Variants in RIMKLB observed in about 807,000 individuals in gnomAD.
RIMKLB encodes the protein beta-citrylglutamate synthase B.
In RIMKLB, 7 loss-of-function variants were observed where a neutral mutation model predicts 32.0. That is an observed-to-expected ratio of 0.22 (90% confidence interval 0.12 to 0.41). The LOEUF (loss-of-function observed/expected upper bound fraction) is 0.41. Among genes scored for constraint, RIMKLB ranks in the 10% least tolerant of loss-of-function variants. The pLI, the probability that RIMKLB is intolerant of heterozygous loss-of-function variation, is 1.00. For synonymous variants in RIMKLB, 172 were observed against 185.1 expected, an observed-to-expected ratio of 0.93 and a Z score of 0.57; for missense variants, 289 against 498.7, an observed-to-expected ratio of 0.58 and a Z score of 4.00.
chr12:8,698,987 A>G (rs1306191193), intron 1 of RIMKLB, among the ~76,000 whole-genome samples: 1 of 152,030 alleles, frequency 6.6e-6, no homozygotes, highest in Admixed American at 6.5e-5. Flanking sequence ...CAGAGTGGTA[A>G]TAATTTCAAT....
chr12:8,680,521 C>A (rs779125142), upstream of RIMKLB, among the ~76,000 whole-genome samples: 1 of 152,208 alleles, frequency 6.6e-6, no homozygotes, highest in Admixed American at 6.5e-5. Flanking sequence ...CAGTCACCCT[C>A]GGGGCTGCTC....
chr12:8,720,741 T>TGTTG (rs1374122080), intron 2 of RIMKLB, among the ~76,000 whole-genome samples: 1 of 152,214 alleles, frequency 6.6e-6, no homozygotes, highest in Non-Finnish European at 1.5e-5. Flanking sequence ...GGTTTCACCT[T>TGTTG]GTTGGCCAGG....
intron 2 of RIMKLB, among the ~76,000 whole-genome samples, chr12:8,723,720 C>A (rs964020410): frequency 1.3e-5 from 2 of 150,914 alleles, no homozygotes; most frequent in Admixed American, 6.6e-5. Flanking sequence ...TTTTGTCTTT[C>A]TCTACTCCTT....
upstream of RIMKLB, chr12:8,679,172 T>C (rs1942362212): frequency 2.0e-5 from 3 of 152,232 alleles, no homozygotes; most frequent in Middle Eastern, 3.4e-3. Context: ...TTCTGAGCCA[T>C]TTATTCTTTG....
At chr12:8,676,375 C>T in the RIMKLB span, among the ~76,000 whole-genome samples, 3 of 146,408 alleles carry the variant, frequency 2.0e-5, no homozygotes, top group Admixed American at 6.9e-5. Context: ...TGCTCAACCC[C>T]CAACAGCTTT....
At chr12:8,678,874 A>G (rs1942360226), upstream of RIMKLB, 1 of 152,226 alleles carries the variant, frequency 6.6e-6, no homozygotes, top group Admixed American at 6.5e-5. Context: ...ATTTTTACCT[A>G]TTTAGCAGAT....
intron 5 of RIMKLB, among the ~76,000 whole-genome samples, chr12:8,770,065 C>T (rs538983863): frequency 9.9e-5 from 15 of 151,936 alleles, no homozygotes; most frequent in East Asian, 1.9e-4. Flanking sequence ...CCCCGCTTCC[C>T]GGGTTAAAGT....
chr12:8,696,313 A>T (rs189941989), upstream of RIMKLB, among the ~76,000 whole-genome samples: 1 of 152,160 alleles, frequency 6.6e-6, no homozygotes, highest in South Asian at 2.1e-4. Flanking sequence ...TGAATATCAG[A>T]GTGGAAGTAA....
intron 2 of RIMKLB, among the ~76,000 whole-genome samples, chr12:8,728,578 T>A (rs1197659934): frequency 6.6e-6 from 1 of 152,150 alleles, no homozygotes; most frequent in African/African-American, 2.4e-5. Context: ...TAGCTTAGTC[T>A]TCTAAGCTTA....
intron 2 of RIMKLB, among the ~76,000 whole-genome samples, chr12:8,732,758 C>T (rs7303451): frequency 0.89 from 127,948 of 143,716 alleles, 57,290 homozygotes; most frequent in Non-Finnish European, 0.95. Flanking sequence ...TATATATATA[C>T]ACACACACAC....
intron 5 of RIMKLB, among the ~76,000 whole-genome samples, chr12:8,757,303 G>A (rs1356597338): frequency 6.6e-6 from 1 of 152,042 alleles, no homozygotes; most frequent in East Asian, 1.9e-4. Flanking sequence ...CGAGGCAAGA[G>A]AATGGCTTGA....
At chr12:8,767,603 G>C (rs1950074606) in intron 5 of RIMKLB, among the ~76,000 whole-genome samples, 1 of 152,166 alleles carries the variant, frequency 6.6e-6, no homozygotes, top group African/African-American at 2.4e-5. Flanking sequence ...GTGTACGCAT[G>C]GGCATCTGTT....
intron 2 of RIMKLB, among the ~76,000 whole-genome samples, chr12:8,729,986 A>C (rs1344041011): frequency 6.6e-6 from 1 of 152,168 alleles, no homozygotes. Context: ...ATCTTTGGAG[A>C]AATATGTGTA....
At chr12:8,716,625 C>T (rs1163731863) in intron 2 of RIMKLB, among the ~76,000 whole-genome samples, 1 of 146,300 alleles carries the variant, frequency 6.8e-6, no homozygotes, top group African/African-American at 2.5e-5. Flanking sequence ...GAAAGGAGAT[C>T]AGCTCTCCTG....
intron 2 of RIMKLB, among the ~76,000 whole-genome samples, chr12:8,749,278 T>A (rs1017113755): frequency 6.6e-6 from 1 of 151,816 alleles, no homozygotes; most frequent in African/African-American, 2.4e-5. Flanking sequence ...TGGCACTATC[T>A]CTGGTCACTG....
intron 5 of RIMKLB, among the ~76,000 whole-genome samples, chr12:8,760,224 G>C (rs1031358997): frequency 1.3e-5 from 2 of 152,084 alleles, no homozygotes; most frequent in Non-Finnish European, 2.9e-5. Context: ...ATAGTTTGCT[G>C]AGAATGATGG....
chr12:8,742,371 TAG>T (rs2077205918), intron 2 of RIMKLB: 1 of 224,486 alleles, frequency 4.5e-6, no homozygotes, highest in African/African-American at 2.4e-5. Flanking sequence ...CTACGCTACC[TAG>T]AGAGGGAGGG....
chr12:8,776,244 G>T lies in RIMKLB; in HGVS notation c.*2460G>T. 4.1e-6 allele frequency: 4 copies of T among 977,840 alleles called. No individual in the cohort carries two copies. The highest frequency in any genetic ancestry group is 4.9e-6 in the Non-Finnish European group (4 of 823,140). The allele number at this position is 977,840 out of a possible 1,614,324, so 60.6% of individuals were successfully genotyped here. A position where few individuals can be genotyped will look rare whatever the true frequency, so the allele number is the denominator to read the frequency against. On this transcript the variant is annotated 3_prime_UTR_variant, in exon 6 of 6. Coordinates refer to ENST00000535829, the MANE Select transcript of RIMKLB (RefSeq NM_001297776.2). The stretch of plus-strand genomic sequence containing the variant: ...GTTCATTAGCTTTATTCACTATTAT[G>T]CATTCACATGATATTAAAACGTACA...
upstream of RIMKLB, chr12:8,679,749 A>G (rs866774258): frequency 6.6e-6 from 1 of 152,196 alleles, no homozygotes; most frequent in South Asian, 2.1e-4. Context: ...AAAACCAAGA[A>G]AAAGATTTCT....
Sources: gnomAD v4.1 joint callset for allele counts (sites outside exome capture counted in the v4.1 genomes callset) on GRCh38, gnomAD v4.1.1 for gene constraint, MANE v1.5 for transcripts, NCBI Gene and HGNC (gene_info 2026-07-23, HGNC 2026-07-21) for gene names.